The following NXPE4 variants were observed in gnomAD, a reference collection of about 807,000 sequenced individuals.
NXPE4 encodes neurexophilin and PC-esterase domain family member 4.
Under a neutral mutation model 33.3 loss-of-function variants are expected in NXPE4, and 42 were observed. That is an observed-to-expected ratio of 1.26 (90% confidence interval 0.98 to 1.63). The LOEUF (loss-of-function observed/expected upper bound fraction) is 1.63, where lower values mean the gene tolerates loss of function less well. NXPE4 is among the 40% of genes most tolerant of loss of function. The pLI is 0.00. For synonymous variants in NXPE4, 253 were observed against 234.9 expected, an observed-to-expected ratio of 1.08 and a Z score of -0.71; for missense variants, 709 against 647.6, an observed-to-expected ratio of 1.09 and a Z score of -1.03.
chr11:114,675,015 T>A, the NXPE4 span, among the ~76,000 whole-genome samples: 1 of 150,930 alleles, frequency 6.6e-6, no homozygotes, highest in Non-Finnish European at 1.5e-5. Context: ...AATCTATACA[T>A]GTAATCCATC....
At chr11:114,587,408 A>T (rs542723064) in intron 2 of NXPE4, among the ~76,000 whole-genome samples, 2 of 152,318 alleles carry the variant, frequency 1.3e-5, no homozygotes, top group South Asian at 4.1e-4. Flanking sequence ...TACAGCTCAA[A>T]CCTGCATTCT....
At chr11:114,643,787 T>C in the NXPE4 span, among the ~76,000 whole-genome samples, 2 of 152,094 alleles carry the variant, frequency 1.3e-5, no homozygotes, top group East Asian at 3.9e-4. Flanking sequence ...TTTTTTTTAA[T>C]AATTCTGTGA....
upstream of NXPE4, among the ~76,000 whole-genome samples, chr11:114,597,621 T>C (rs1949589782): frequency 6.6e-6 from 1 of 152,116 alleles, no homozygotes; most frequent in East Asian, 1.9e-4. Context: ...CTTGGTTTCT[T>C]AATTCTCCAG....
At chr11:114,626,266 A>T in the NXPE4 span, among the ~76,000 whole-genome samples, 8 of 152,342 alleles carry the variant, frequency 5.3e-5, no homozygotes, top group African/African-American at 1.9e-4. Flanking sequence ...CTGCAGACTT[A>T]AATGTCCCAG....
At chr11:114,616,487 T>C in the NXPE4 span, among the ~76,000 whole-genome samples, 4 of 151,666 alleles carry the variant, frequency 2.6e-5, no homozygotes, top group Non-Finnish European at 1.5e-5. Flanking sequence ...GCCTCGAGGG[T>C]AACCACTGTT....
At chr11:114,587,453 G>A (rs567547225) in intron 2 of NXPE4, among the ~76,000 whole-genome samples, 10 of 152,292 alleles carry the variant, frequency 6.6e-5, no homozygotes, top group East Asian at 1.9e-4. Flanking sequence ...TAACTGTAAC[G>A]AAGTCTCTCT....
the NXPE4 span, among the ~76,000 whole-genome samples, chr11:114,614,686 G>A: frequency 7.3e-5 from 11 of 151,630 alleles, no homozygotes; most frequent in East Asian, 3.9e-4. Flanking sequence ...GTGTTGCCTC[G>A]TGGGTAACCA....
chr11:114,586,914 A>T (rs1949313898), intron 2 of NXPE4, among the ~76,000 whole-genome samples: 1 of 151,964 alleles, frequency 6.6e-6, no homozygotes, highest in Non-Finnish European at 1.5e-5. Flanking sequence ...AGCTCATGGG[A>T]TTGCCGTTTT....
At chr11:114,634,252 A>G in the NXPE4 span, among the ~76,000 whole-genome samples, 1 of 152,026 alleles carries the variant, frequency 6.6e-6, no homozygotes, top group South Asian at 2.1e-4. Flanking sequence ...TTGGCTGCAT[A>G]AATGTCTTCT....
the NXPE4 span, among the ~76,000 whole-genome samples, chr11:114,601,510 A>ACATAT: frequency 1.1e-5 from 1 of 93,942 alleles, no homozygotes. Context: ...TATATAAATT[A>ACATAT]TATATTATAT....
chr11:114,575,136 C>T (rs1018562426), intron 5 of NXPE4, among the ~76,000 whole-genome samples: 1 of 151,950 alleles, frequency 6.6e-6, no homozygotes, highest in Non-Finnish European at 1.5e-5. Context: ...TTGAGAAAAT[C>T]CAGCATCCAT....
intron 5 of NXPE4, among the ~76,000 whole-genome samples, chr11:114,577,396 G>A (rs1252496862): frequency 2.0e-5 from 3 of 151,888 alleles, no homozygotes; most frequent in Non-Finnish European, 4.4e-5. Context: ...TGAGGACTCG[G>A]AGGAAAGGGT....
chr11:114,633,199 T>G, the NXPE4 span, among the ~76,000 whole-genome samples: 8 of 129,982 alleles, frequency 6.2e-5, no homozygotes, highest in African/African-American at 2.4e-4. Context: ...TTATTATGTA[T>G]AAACATGTAT....
chr11:114,635,855 T>G, the NXPE4 span, among the ~76,000 whole-genome samples: 245 of 152,142 alleles, frequency 1.6e-3, no homozygotes, highest in African/African-American at 5.6e-3. Context: ...TGTGTTGCTG[T>G]ATTCGGTTTG....
the NXPE4 span, among the ~76,000 whole-genome samples, chr11:114,658,516 T>G: frequency 6.6e-6 from 1 of 152,100 alleles, no homozygotes; most frequent in Non-Finnish European, 1.5e-5. Context: ...GGAGGGTAGC[T>G]GCCTCAAAGG....
At chr11:114,639,117 C>T in the NXPE4 span, among the ~76,000 whole-genome samples, 1 of 152,078 alleles carries the variant, frequency 6.6e-6, no homozygotes, top group East Asian at 1.9e-4. Flanking sequence ...TGGTGGGCTC[C>T]ACCCAGTTCG....
chr11:114,624,743 A>C, the NXPE4 span, among the ~76,000 whole-genome samples: 4 of 152,168 alleles, frequency 2.6e-5, no homozygotes, highest in Non-Finnish European at 4.4e-5. Flanking sequence ...CCTCCAGGGT[A>C]ACCACTGTTA....
At chr11:114,612,416 A>T in the NXPE4 span, among the ~76,000 whole-genome samples, 1 of 151,892 alleles carries the variant, frequency 6.6e-6, no homozygotes. Flanking sequence ...TACCCGGTGG[A>T]TAATAAGTGT....
chr11:114,575,908 A>G (rs1948985132), intron 5 of NXPE4, among the ~76,000 whole-genome samples: 1 of 152,218 alleles, frequency 6.6e-6, no homozygotes, highest in African/African-American at 2.4e-5. Flanking sequence ...GACTAAGCAA[A>G]AAGAACAAAT....
Sources: allele counts gnomAD v4.1 joint callset (sites outside exome capture counted in the v4.1 genomes callset), GRCh38; gene constraint gnomAD v4.1.1; transcripts MANE v1.5; gene names NCBI Gene and HGNC (gene_info 2026-07-23, HGNC 2026-07-21).